Variants in DISC1 observed in about 807,000 individuals in gnomAD.
DISC1 encodes the protein DISC1 scaffold protein.
DISC1 carries 57 observed loss-of-function variants against 84.5 expected under a neutral mutation model. That is an observed-to-expected ratio of 0.67 (90% CI 0.55 to 0.84). The LOEUF (loss-of-function observed/expected upper bound fraction) is 0.84. Ranked by LOEUF, DISC1 falls within the 40% of genes least tolerant of loss-of-function variation. DISC1 has a pLI of 0.00. For synonymous variants in DISC1, 411 were observed against 415.2 expected (o/e 0.99, Z 0.12); for missense variants, 1,000 against 1,057.8 (o/e 0.95, Z 0.76).
chr1:231,716,834 A>G (rs2068797874), intron 3 of DISC1, among the ~76,000 whole-genome samples: 1 of 152,180 alleles, frequency 6.6e-6, no homozygotes, highest in South Asian at 2.1e-4. Context: ...AATGGCAACG[A>G]GATGGCGCCT....
chr1:231,826,339 C>A lies in DISC1; in HGVS notation c.1981+7822C>A, dbSNP rs1420137385. 6.6e-6 allele frequency among the ~76,000 whole-genome samples: 1 copy of A among 152,132 alleles called. No homozygotes were observed. Among genetic ancestry groups the A allele is most frequent in the Non-Finnish European group, 1.5e-5 (1 of 68,028 alleles). On this transcript the variant is annotated intron_variant, in intron 9 of 12. Transcript: ENST00000439617. The surrounding 1 kb of genome is among the most constrained non-coding windows in gnomAD (Gnocchi z 4.2). ...TCTATCCATCCCGCAACCTCATCACCCTACCTAAATACCACACTCATAGAT... is the reference window on the plus strand; with the variant it reads ...TCTATCCATCCCGCAACCTCATCACACTACCTAAATACCACACTCATAGAT...
At chr1:231,975,426 G>T (rs758009027) in intron 10 of DISC1, among the ~76,000 whole-genome samples, 27 of 152,054 alleles carry the variant, frequency 1.8e-4, no homozygotes, top group Non-Finnish European at 2.9e-4. Flanking sequence ...ATTTCTCAAA[G>T]AACTAAAAAT....
At chr1:231,834,841 C>T (rs1289205764) in intron 9 of DISC1, among the ~76,000 whole-genome samples, 22 of 152,136 alleles carry the variant, frequency 1.4e-4, no homozygotes, top group Admixed American at 1.4e-3. Flanking sequence ...GGTCAGACAC[C>T]TCTGAAACGT....
chr1:231,706,982 A>C (rs560784204), intron 3 of DISC1, among the ~76,000 whole-genome samples: 1 of 152,278 alleles, frequency 6.6e-6, no homozygotes, highest in African/African-American at 2.4e-5. Flanking sequence ...GGCAGTTAGA[A>C]CCAGAATCCC....
intron 9 of DISC1, among the ~76,000 whole-genome samples, chr1:231,955,585 G>A (rs774157286): frequency 8.6e-5 from 13 of 150,380 alleles, no homozygotes; most frequent in Admixed American, 2.7e-4. Context: ...CGCCTCCCAC[G>A]TTCAAGGGAT....
intron 7 of DISC1, among the ~76,000 whole-genome samples, chr1:231,799,569 T>C (rs2079023368): frequency 6.6e-6 from 1 of 151,840 alleles, no homozygotes; most frequent in South Asian, 2.1e-4. Flanking sequence ...CAGTAAGGCC[T>C]TTCCTCCCAG....
At chr1:231,912,740 CT>C (rs2089307734) in intron 9 of DISC1, among the ~76,000 whole-genome samples, 1 of 147,604 alleles carries the variant, frequency 6.8e-6, no homozygotes, top group Non-Finnish European at 1.5e-5. Flanking sequence ...CTGCAGCTTG[CT>C]CTTCTTTCTT....
intron 1 of DISC1, among the ~76,000 whole-genome samples, chr1:231,633,663 G>A (rs528781042): frequency 1.3e-5 from 2 of 152,226 alleles, no homozygotes; most frequent in African/African-American, 4.8e-5. Context: ...GATTGATATT[G>A]ATCATTAACA....
Position 231,749,988 on chromosome 1 carries a change from C to A in DISC1, c.1180C>A (p.Leu394Ile). Reference protein sequence around the residue: ...EQEKISLHFQLPSRQPALSSF... With the variant: ...EQEKISLHFQIPSRQPALSSF... ...AGAGAAAATCAGCCTGCACTTTCAA[C>A]TTCCTTCAAGGCAGCCAGCTCTTAG... Residue 394 changes from leucine (L) to isoleucine (I), a missense_variant, in exon 4 of 13, where the codon CTT (leucine) becomes ATT (isoleucine). Coordinates refer to ENST00000439617, the MANE Select transcript of DISC1 (RefSeq NM_018662.3). 6.2e-7 allele frequency: 1 copy of A among 1,614,246 alleles called. No homozygotes were observed. The highest frequency in any genetic ancestry group is 8.5e-7 in the Non-Finnish European group (1 of 1,180,050).
chr1:231,968,779 C>T (rs1661484380), intron 10 of DISC1, among the ~76,000 whole-genome samples: 1 of 151,948 alleles, frequency 6.6e-6, no homozygotes, highest in South Asian at 2.1e-4. Flanking sequence ...TCATGAGTAA[C>T]CCCTCTCCTG....
chr1:231,784,092 G>A (rs753518789), intron 6 of DISC1, among the ~76,000 whole-genome samples: 1 of 152,010 alleles, frequency 6.6e-6, no homozygotes, highest in Non-Finnish European at 1.5e-5. Flanking sequence ...GTGAAACCCT[G>A]TCTCTACTAA....
At position 232,012,779 on chromosome 1, in the gene DISC1, C is replaced by T. The variant is rs1270432730; in HGVS notation, c.2307+3730C>T. ...GTCGTTGATCGACACCTTCCTGGGT[C>T]TACGGTCCTTGCCAGGCTGCTGAGC... On this transcript the variant is annotated intron_variant, in intron 11 of 12. Coordinates refer to ENST00000439617, the MANE Select transcript of DISC1 (RefSeq NM_018662.3). Among the ~76,000 whole-genome samples the T allele has an allele frequency of 2.0e-5, 3 of 152,178 alleles. No homozygotes were observed. The East Asian group carries it at 5.8e-4, about 29-fold the overall frequency.
Position 231,694,103 on chromosome 1 carries a change from G to A in DISC1, c.345G>A (p.Ser115=), listed in dbSNP as rs758714637. The A allele has an allele frequency of 1.6e-5, 26 of 1,614,056 alleles. No homozygotes were observed. Among genetic ancestry groups the A allele is most frequent in the African/African-American group, 5.3e-5 (4 of 74,932 alleles). ...CTGTGACCTCTGTGAGAGGAACCTC[G>A]GCGCACTTTGGGATTCAGCTCAGAG... ...APTVTSVRGT[S]AHFGIQLRGG... The change falls in exon 2 of 13, where the codon TCG becomes TCA. Residue 115 remains serine (S), a synonymous_variant. Coordinates refer to ENST00000439617, the MANE Select transcript of DISC1 (RefSeq NM_018662.3).
intron 10 of DISC1, among the ~76,000 whole-genome samples, chr1:231,987,019 T>C (rs1342421926): frequency 1.3e-5 from 2 of 152,244 alleles, no homozygotes; most frequent in Non-Finnish European, 2.9e-5. Flanking sequence ...TTTCTCGTCC[T>C]TATTTTCTGG....
intron 11 of DISC1, among the ~76,000 whole-genome samples, chr1:232,010,273 T>TA (rs1238843177): frequency 3.3e-5 from 5 of 152,194 alleles, no homozygotes; most frequent in African/African-American, 1.2e-4. Flanking sequence ...GTTGAAAAGT[T>TA]ACCACCTGCT....
At chr1:231,840,916 T>A (rs1016682722) in intron 9 of DISC1, among the ~76,000 whole-genome samples, 1 of 152,164 alleles carries the variant, frequency 6.6e-6, no homozygotes, top group Non-Finnish European at 1.5e-5. Flanking sequence ...TGTAAATTTT[T>A]AAAAAATTTT....
At chr1:231,744,853 G>A (rs534875735) in intron 3 of DISC1, among the ~76,000 whole-genome samples, 2 of 152,194 alleles carry the variant, frequency 1.3e-5, no homozygotes, top group East Asian at 3.9e-4. Flanking sequence ...AACACTACCT[G>A]TTAAACTCAT....
intron 9 of DISC1, among the ~76,000 whole-genome samples, chr1:231,865,205 G>A (rs747447749): frequency 2.0e-5 from 3 of 152,192 alleles, no homozygotes; most frequent in Non-Finnish European, 4.4e-5. Context: ...AAACAAACAT[G>A]CTGACCTGGG....
chr1:231,689,456 C>T (rs1480016345), intron 1 of DISC1, among the ~76,000 whole-genome samples: 1 of 151,980 alleles, frequency 6.6e-6, no homozygotes, highest in Non-Finnish European at 1.5e-5. Context: ...CTCAGCCTCC[C>T]GAGTAGCTGG....
Sources: gnomAD v4.1 joint callset for allele counts (sites outside exome capture counted in the v4.1 genomes callset) on GRCh38, gnomAD v4.1.1 for gene constraint, Gnocchi (gnomAD v3.1) non-coding constraint, MANE v1.5 for transcripts, NCBI Gene and HGNC (gene_info 2026-07-23, HGNC 2026-07-21) for gene names.